The following AGAP3 variants were observed in gnomAD, a reference collection of about 807,000 sequenced individuals.
The protein encoded by AGAP3 is ArfGAP with GTPase domain, ankyrin repeat and PH domain 3, also known as arf-GAP with GTPase, ANK repeat and PH domain-containing protein 3.
In AGAP3, 24 loss-of-function variants were observed where a neutral mutation model predicts 96.9. The observed-to-expected ratio is 0.25, with a 90% confidence interval of 0.18 to 0.35. The LOEUF is 0.35. AGAP3 is among the 10% of genes least tolerant of loss of function. AGAP3 has a pLI of 1.00. For synonymous variants in AGAP3, 563 were observed against 536.1 expected (o/e 1.05, Z -0.69); for missense variants, 876 against 1,254.2 (o/e 0.70, Z 4.55).
At position 151,140,147 on chromosome 7, in the gene AGAP3, A is replaced by T. The variant is rs763321829; in HGVS notation, c.1804+31A>T. 7 of 1,541,920 alleles carry T rather than the reference A, an allele frequency of 4.5e-6. No homozygotes were observed. The East Asian group carries it at 1.7e-4, about 38-fold the overall frequency. ...GGGGACCCAGAGGGAAACCGGGCACAGGAGGTGGGCAGTGGGACTTGGGGA... is the reference window on the plus strand; with the variant it reads ...GGGGACCCAGAGGGAAACCGGGCACTGGAGGTGGGCAGTGGGACTTGGGGA... On this transcript the variant is annotated intron_variant, in intron 13 of 17. Coordinates refer to ENST00000397238, the MANE Select transcript of AGAP3 (RefSeq NM_031946.7). This position sits in a 1 kb window ranked among gnomAD's most constrained non-coding sequence, Gnocchi z 5.4.
At position 151,094,873 on chromosome 7, in the gene AGAP3, C is replaced by CCCTT. The variant is rs540835239; in HGVS notation, c.331+7821_331+7824dup. Among the ~76,000 whole-genome samples, 847 of 150,618 alleles carry CCCTT rather than the reference C, an allele frequency of 5.6e-3. 7 individuals are homozygous for CCCTT. The highest frequency in any genetic ancestry group is 0.019 in the African/African-American group (770 of 40,858). Reference sequence around the variant, plus strand: ...TCTGTCCCTCCCTTCCTCCCTTCCTCCCTTCCTTCCTTCCTTCCTTCCTCA... The same window carrying CCCTT: ...TCTGTCCCTCCCTTCCTCCCTTCCTCCCTTCCTTCCTTCCTTCCTTCCTTCCTCA... On this transcript the variant is annotated intron_variant, in intron 1 of 17. Transcript: ENST00000397238.
At chr7:151,090,423 A>G (rs1436160353) in intron 1 of AGAP3, 2 of 126,786 alleles carry the variant, frequency 1.6e-5, no homozygotes, top group Admixed American at 2.0e-4. Flanking sequence ...TACTTCGAGC[A>G]TTCCAGCCGG....
intron 1 of AGAP3, among the ~76,000 whole-genome samples, chr7:151,109,165 TA>T (rs112464213): frequency 3.2e-4 from 44 of 136,260 alleles, no homozygotes; most frequent in Non-Finnish European, 3.9e-4. Context: ...CCCACCTCTG[TA>T]AAAAAAAAAA....
At chr7:151,102,029 A>G (rs1798851476) in intron 1 of AGAP3, among the ~76,000 whole-genome samples, 1 of 152,196 alleles carries the variant, frequency 6.6e-6, no homozygotes, top group Non-Finnish European at 1.5e-5. Flanking sequence ...AGAGGTGCAG[A>G]TGACAGCCTG....
chr7:151,087,317 C>T (rs1356375194), intron 1 of AGAP3: 3 of 543,600 alleles, frequency 5.5e-6, no homozygotes, highest in Admixed American at 6.2e-5. Flanking sequence ...AAGGTGGTGT[C>T]GCTTGGGGGG....
chr7:151,121,642 C>T (rs1799897476), intron 8 of AGAP3, among the ~76,000 whole-genome samples: 1 of 152,202 alleles, frequency 6.6e-6, no homozygotes, highest in South Asian at 2.1e-4. Context: ...TCTCTGCTGC[C>T]TGCCTCGACT....
chr7:151,123,160 A>G, intron 8 of AGAP3: 6 of 1,077,960 alleles, frequency 5.6e-6, no homozygotes, highest in Non-Finnish European at 6.7e-6. Flanking sequence ...TCCTTCCTGC[A>G]TGGACCTCTG....
At chr7:151,138,104 C>T in intron 11 of AGAP3, 39 bp from the exon 12 acceptor site, 1 of 1,479,828 alleles carries the variant, frequency 6.8e-7, no homozygotes, top group Non-Finnish European at 9.2e-7. Flanking sequence ...TCCTCCCCTG[C>T]CCGGCCTCCC....
chr7:151,122,687 A>G (rs377520215), intron 8 of AGAP3: 12 of 1,612,596 alleles, frequency 7.4e-6, no homozygotes, highest in Non-Finnish European at 9.3e-6. Flanking sequence ...GGGCTTGAGT[A>G]TAACTTGCCA....
rs369066658 is a variant in AGAP3, at chr7:151,140,143, G to T, written c.1804+27G>T. 5.8e-6 allele frequency: 9 copies of T among 1,546,300 alleles called. No individual in the cohort carries two copies. In the African/African-American group the frequency reaches 1.1e-4, roughly 19 times the overall value. ...TTAGGGGGACCCAGAGGGAAACCGG[G>T]CACAGGAGGTGGGCAGTGGGACTTG... On this transcript the variant is annotated intron_variant, in intron 13 of 17. Coordinates refer to ENST00000397238, the MANE Select transcript of AGAP3 (RefSeq NM_031946.7). This position sits in a 1 kb window ranked among gnomAD's most constrained non-coding sequence, Gnocchi z 5.4.
rs1037180854 is a variant in AGAP3 at position 151,117,918 on chromosome 7, G to A, written c.706+141G>A. 1.5e-5 allele frequency: 19 copies of A among 1,226,146 alleles called. No homozygotes were observed. In the African/African-American group the frequency reaches 1.7e-4, roughly 11 times the overall value. 76.0% of individuals were successfully genotyped at this position (1,226,146 alleles called of 1,614,324 possible). A position where few individuals can be genotyped will look rare whatever the true frequency, so the allele number is the denominator to read the frequency against. ...CTGACTGGGACCCTCAGCACTCTCC[G>A]TGCTGCTCGTGTCTGAGGGCTTTTG... is the stretch of plus-strand genomic sequence containing the variant. On this transcript the variant is annotated intron_variant, in intron 5 of 17. Transcript: ENST00000397238.
rs561878621 is a variant in AGAP3 at position 151,090,878 on chromosome 7, A to G, written c.331+3806A>G. Among the ~76,000 whole-genome samples, 13 of 152,232 alleles carry G rather than the reference A, an allele frequency of 8.5e-5. No individual in the cohort carries two copies. The East Asian group carries it at 2.5e-3, about 29-fold the overall frequency. ...AGAATGGTGTGAATCTGGGAGGCAGAGCTTGCAGTGAGCTGAGATCGCACC... is the reference window on the plus strand; with the variant it reads ...AGAATGGTGTGAATCTGGGAGGCAGGGCTTGCAGTGAGCTGAGATCGCACC... On this transcript the variant is annotated intron_variant, in intron 1 of 17. Transcript: ENST00000397238.
rs1799099037 is a variant in AGAP3 at position 151,107,325 on chromosome 7, AAAG to A, written c.332-9467_332-9465del. Among the ~76,000 whole-genome samples the A allele has an allele frequency of 4.1e-5, 6 of 146,768 alleles. No homozygotes were observed. The South Asian group carries it at 1.3e-3, about 32-fold the overall frequency. ...GACTCCGGCTCAAAAAAAAAAAAAA[AAAG>A]TTTTTGCTTTTGGGGCCAGGCACGA... is the stretch of plus-strand genomic sequence containing the variant. On this transcript the variant is annotated intron_variant, in intron 1 of 17. Coordinates refer to ENST00000397238, the MANE Select transcript of AGAP3 (RefSeq NM_031946.7).
chr7:151,086,391 C>A (rs1798143079), upstream of AGAP3, among the ~76,000 whole-genome samples: 1 of 103,082 alleles, frequency 9.7e-6, no homozygotes, highest in African/African-American at 3.7e-5. Flanking sequence ...GGGGCTCGGG[C>A]TGCGTGTGCC....
chr7:151,091,820 AT>A (rs1798411018), intron 1 of AGAP3, among the ~76,000 whole-genome samples: 1 of 152,170 alleles, frequency 6.6e-6, no homozygotes, highest in African/African-American at 2.4e-5. Flanking sequence ...CCTTGTCCCT[AT>A]GATGCCACCT....
At chr7:151,088,223 G>A (rs1359920628) in intron 1 of AGAP3, among the ~76,000 whole-genome samples, 1 of 152,232 alleles carries the variant, frequency 6.6e-6, no homozygotes, top group African/African-American at 2.4e-5. Context: ...CCCATAGCCG[G>A]GGAAGAAGTA....
In AGAP3 at chr7:151,143,209, C is replaced by G. The variant is rs1800889182; in HGVS notation, c.2274-132C>G. The stretch of plus-strand genomic sequence containing the variant: ...AAGGCTTCTCTCCTTCCTTTTTGCT[C>G]CATCTCATCTTCTCTCACTGTTTCT... On this transcript the variant is annotated intron_variant, in intron 16 of 17. Transcript: ENST00000397238. This position sits in a 1 kb window ranked among gnomAD's most constrained non-coding sequence, Gnocchi z 5.9. 8.8e-7 allele frequency: 1 copy of G among 1,132,506 alleles called. No individual in the cohort carries two copies. The highest frequency in any genetic ancestry group is 1.6e-5 in the African/African-American group (1 of 63,590). The allele number at this position is 1,132,506 out of a possible 1,614,324, so 70.2% of individuals were successfully genotyped here.
At chr7:151,129,330 G>A (rs1003992128) in intron 10 of AGAP3, among the ~76,000 whole-genome samples, 6 of 152,128 alleles carry the variant, frequency 3.9e-5, no homozygotes, top group South Asian at 2.1e-4. Context: ...AGCACAGCGC[G>A]TGCCCCCCAC....
In AGAP3 at chr7:151,120,803, A is replaced by T. The variant is rs1799845770; in HGVS notation, c.1128+658A>T. Reference sequence around the variant, plus strand: ...ACCCCTCACAAACCTCACACCCCACACCTGGGGGCTGTTGTGCTGGCCCGG... The same window carrying T: ...ACCCCTCACAAACCTCACACCCCACTCCTGGGGGCTGTTGTGCTGGCCCGG... On this transcript the variant is annotated intron_variant, in intron 8 of 17. Coordinates refer to ENST00000397238, the MANE Select transcript of AGAP3 (RefSeq NM_031946.7). The T allele has an allele frequency of 4.3e-6, 5 of 1,168,168 alleles. No homozygotes were observed. In the South Asian group the frequency reaches 6.5e-5, roughly 15 times the overall value. 72.4% of individuals were successfully genotyped at this position (1,168,168 alleles called of 1,614,324 possible).
Sources: allele counts gnomAD v4.1 joint callset (sites outside exome capture counted in the v4.1 genomes callset), GRCh38; gene constraint gnomAD v4.1.1; non-coding constraint Gnocchi (gnomAD v3.1); transcripts MANE v1.5; gene names NCBI Gene and HGNC (gene_info 2026-07-23, HGNC 2026-07-21).